Variants in SYCP2 observed in about 807,000 individuals in gnomAD.
The protein encoded by SYCP2 is synaptonemal complex lateral element protein.
Under a neutral mutation model 211.3 loss-of-function variants are expected in SYCP2, and 55 were observed. The ratio of observed to expected loss-of-function variants is 0.26; its 90% CI spans 0.21 to 0.33. The LOEUF is 0.33. Among genes scored for constraint, SYCP2 ranks in the 10% least tolerant of loss-of-function variants. The pLI is 1.00. For synonymous variants in SYCP2, 570 were observed against 555.2 expected, an observed-to-expected ratio of 1.03 and a Z score of -0.37; for missense variants, 1,731 against 1,752.0, an observed-to-expected ratio of 0.99 and a Z score of 0.21.
At chr20:59,919,468 T>A in intron 6 of SYCP2, 25 bp downstream of exon 6, 1 of 1,420,360 alleles carries the variant, frequency 7.0e-7, no homozygotes, top group East Asian at 2.3e-5. Flanking sequence ...TTTATAAATA[T>A]CAGTGTAATC....
chr20:59,927,253 AG>A, intron 2 of SYCP2, among the ~76,000 whole-genome samples: 1 of 152,264 alleles, frequency 6.6e-6, no homozygotes, highest in East Asian at 1.9e-4. Context: ...TAACTTGTAA[AG>A]GGTTTTAATC....
intron 2 of SYCP2, among the ~76,000 whole-genome samples, chr20:59,929,253 T>C (rs939555815): frequency 2.6e-5 from 4 of 152,148 alleles, no homozygotes; most frequent in Admixed American, 2.6e-4. Flanking sequence ...AGACTGATAC[T>C]ACGAAGTCAC....
At chr20:59,898,903 A>C (rs1220874455) in intron 18 of SYCP2, among the ~76,000 whole-genome samples, 2 of 152,212 alleles carry the variant, frequency 1.3e-5, no homozygotes, top group African/African-American at 4.8e-5. Flanking sequence ...ACTACCTTAC[A>C]AAAGGGGAGA....
At chr20:59,894,428 C>T (rs2059968710) in intron 20 of SYCP2, among the ~76,000 whole-genome samples, 1 of 151,838 alleles carries the variant, frequency 6.6e-6, no homozygotes, top group Admixed American at 6.6e-5. Context: ...TGAACCATTA[C>T]TTTGACTATT....
chr20:59,902,520 C>G (rs988803072), intron 15 of SYCP2, among the ~76,000 whole-genome samples: 3 of 152,046 alleles, frequency 2.0e-5, no homozygotes, highest in Non-Finnish European at 4.4e-5. Context: ...ACCCTGCCCA[C>G]AATGTACTTT....
At chr20:59,906,726 G>A (rs1568962051) in intron 15 of SYCP2, among the ~76,000 whole-genome samples, 1 of 151,882 alleles carries the variant, frequency 6.6e-6, no homozygotes, top group Non-Finnish European at 1.5e-5. Context: ...ATATCATTAA[G>A]AAAATGAATA....
intron 24 of SYCP2, among the ~76,000 whole-genome samples, chr20:59,889,738 A>T (rs1278620839): frequency 6.6e-6 from 1 of 152,040 alleles, no homozygotes; most frequent in Non-Finnish European, 1.5e-5. Flanking sequence ...TGATTTCAGA[A>T]ATTCCAGTAT....
In SYCP2 at chr20:59,892,511, T is replaced by TA. The variant is rs1341271277; in HGVS notation, c.1927+56dup. The TA allele has an allele frequency of 2.6e-6, 4 of 1,538,856 alleles. No individual in the cohort carries two copies. The African/African-American group carries it at 5.6e-5, about 21-fold the overall frequency. ...TTGTTAAATTTGTTTTAATACTTGTTAGACATTTGAGGAAATTAACACTGA... is the reference window on the plus strand; with the variant it reads ...TTGTTAAATTTGTTTTAATACTTGTTAAGACATTTGAGGAAATTAACACTGA... On this transcript the variant is annotated intron_variant, in intron 23 of 44. Transcript: ENST00000357552.
At chr20:59,904,401 C>T (rs548924072) in intron 15 of SYCP2, among the ~76,000 whole-genome samples, 1 of 152,194 alleles carries the variant, frequency 6.6e-6, no homozygotes, top group East Asian at 1.9e-4. Flanking sequence ...ATCTAATAGG[C>T]TCATCATCAA....
At chr20:59,900,879 T>A in intron 16 of SYCP2, 61 bp from the exon 17 acceptor site, 3 of 1,195,222 alleles carry the variant, frequency 2.5e-6, no homozygotes, top group Non-Finnish European at 3.7e-6. Context: ...CTTTTTCATA[T>A]GTCATTTTAT....
chr20:59,905,489 T>C lies in SYCP2; in HGVS notation c.1033+1875A>G, dbSNP rs566690993. ...TGAATCTTTTTTTAAAAAAGTGTTC[T>C]AAAAGAAAGAAGCTGGACAAAAATT... On this transcript the variant is annotated intron_variant, in intron 15 of 44. Coordinates refer to ENST00000357552, the MANE Select transcript of SYCP2 (RefSeq NM_014258.4). Among the ~76,000 whole-genome samples, 4 of 152,224 alleles carry C rather than the reference T, an allele frequency of 2.6e-5. No homozygotes were observed. In the East Asian group the frequency reaches 7.7e-4, roughly 29 times the overall value.
intron 18 of SYCP2, among the ~76,000 whole-genome samples, chr20:59,897,933 C>CAAACAA (rs1020870151): frequency 1.3e-5 from 2 of 152,002 alleles, no homozygotes; most frequent in South Asian, 2.1e-4. Flanking sequence ...ACAACAACAA[C>CAAACAA]AAACAAAAAC....
At chr20:59,873,710 T>A (rs1438678334) in intron 35 of SYCP2, 146 bp downstream of exon 35, 3 of 600,218 alleles carry the variant, frequency 5.0e-6, no homozygotes, top group Admixed American at 6.8e-5. Flanking sequence ...CTCTCTCTTG[T>A]CATTATGTCC....
intron 30 of SYCP2, among the ~76,000 whole-genome samples, chr20:59,880,743 A>G (rs932443197): frequency 6.6e-6 from 1 of 151,856 alleles, no homozygotes; most frequent in Non-Finnish European, 1.5e-5. Context: ...CCAGAGAGGT[A>G]TAACCTAATA....
At chr20:59,920,992 G>T (rs887304010) in intron 4 of SYCP2, among the ~76,000 whole-genome samples, 2 of 151,352 alleles carry the variant, frequency 1.3e-5, no homozygotes, top group Non-Finnish European at 3.0e-5. Context: ...ACACTGATAG[G>T]TTTTTTTTAA....
At chr20:59,876,303 G>A (rs1209011045) in intron 33 of SYCP2, among the ~76,000 whole-genome samples, 4 of 138,568 alleles carry the variant, frequency 2.9e-5, no homozygotes, top group East Asian at 2.3e-4. Context: ...CACTGGAGGC[G>A]GAGGTTGCAG....
chr20:59,919,590 G>T lies in SYCP2; in HGVS notation c.305C>A (p.Ala102Asp), dbSNP rs78182350. ...AATGTCCTTGGATTTTTCAAACCAG[G>T]CAACCATGTAAAAAAAGGAATGAAC... Reference protein sequence around the residue: ...IKQGLIQKMVAWFEKSKDIIQ... With the variant: ...IKQGLIQKMVDWFEKSKDIIQ... The change falls in exon 6 of 45, where the codon GCC becomes GAC. Residue 102 changes from alanine (A) to aspartate (D), a missense_variant. This residue lies in a region of SYCP2 where 335 missense variants were observed against 378.8 expected (regional missense o/e 0.88). Coordinates refer to ENST00000357552, the MANE Select transcript of SYCP2 (RefSeq NM_014258.4). 1.3e-5 allele frequency: 21 copies of T among 1,598,050 alleles called. No homozygotes were observed. The East Asian group carries it at 4.3e-4, about 33-fold the overall frequency.
chr20:59,914,111 T>C lies in SYCP2; in HGVS notation c.775A>G (p.Thr259Ala). 6.9e-6 allele frequency: 11 copies of C among 1,596,982 alleles called. No homozygotes were observed. The highest frequency in any genetic ancestry group is 9.4e-6 in the Non-Finnish European group (11 of 1,171,358). Reference protein sequence around the residue: ...FKRIKDSEFETDCRIFLNLVN... With the variant: ...FKRIKDSEFEADCRIFLNLVN... ...TCTGTTATTGTTATACAACTTACTGTTTCAAATTCAGAGTCCTTAATTCTT... is the reference window on the plus strand; with the variant it reads ...TCTGTTATTGTTATACAACTTACTGCTTCAAATTCAGAGTCCTTAATTCTT... Residue 259 changes from threonine to alanine, a missense_variant and splice_region_variant, in exon 11 of 45, where the codon ACA becomes GCA. Coordinates refer to ENST00000357552, the MANE Select transcript of SYCP2 (RefSeq NM_014258.4).
intron 14 of SYCP2, among the ~76,000 whole-genome samples, chr20:59,908,357 C>T (rs138813988): frequency 5.3e-4 from 81 of 152,202 alleles, no homozygotes; most frequent in African/African-American, 1.9e-3. Flanking sequence ...CTATTTTCAC[C>T]AATTCCCTTC....
Sources: gnomAD v4.1 joint callset for allele counts (sites outside exome capture counted in the v4.1 genomes callset) on GRCh38, gnomAD v4.1.1 for gene constraint, gnomAD v4.1.1 regional missense constraint, MANE v1.5 for transcripts, NCBI Gene and HGNC (gene_info 2026-07-23, HGNC 2026-07-21) for gene names.